Variants in CUL1 observed in about 807,000 individuals in gnomAD.
CUL1 encodes the protein cullin 1.
In CUL1, 24 loss-of-function variants were observed where a neutral mutation model predicts 118.0. That is an observed-to-expected ratio of 0.20 (90% confidence interval 0.15 to 0.29). The LOEUF (loss-of-function observed/expected upper bound fraction) is 0.29. CUL1 is among the 10% of genes least tolerant of loss of function. CUL1 has a pLI of 1.00. For synonymous variants in CUL1, 332 were observed against 340.4 expected (o/e 0.98, Z 0.27); for missense variants, 361 against 933.8 (o/e 0.39, Z 7.99).
intron 16 of CUL1, among the ~76,000 whole-genome samples, chr7:148,791,405 T>C (rs1246303554): frequency 2.0e-5 from 3 of 152,218 alleles, no homozygotes; most frequent in African/African-American, 7.2e-5. Flanking sequence ...TTAAAATGCA[T>C]AGTATTATGC....
At chr7:148,730,723 A>T (rs1444860679) in intron 2 of CUL1, among the ~76,000 whole-genome samples, 2 of 152,212 alleles carry the variant, frequency 1.3e-5, no homozygotes, top group Admixed American at 6.5e-5. Context: ...TGAAGCCTAA[A>T]ATATTTACTA....
intron 1 of CUL1, among the ~76,000 whole-genome samples, chr7:148,717,043 T>TTTTTGTTTTG (rs371522501): frequency 0.2 from 30,872 of 150,672 alleles, 3,926 homozygotes; most frequent in South Asian, 0.32. Context: ...TTGTTTTTCA[T>TTTTTGTTTTG]TTTTGTTTTG....
intron 1 of CUL1, among the ~76,000 whole-genome samples, chr7:148,707,563 G>C (rs780481835): frequency 6.6e-6 from 1 of 151,868 alleles, no homozygotes; most frequent in Non-Finnish European, 1.5e-5. Flanking sequence ...CGTGTGCCAT[G>C]GTGGTTTGCT....
chr7:148,722,852 C>T (rs374039754), intron 1 of CUL1, among the ~76,000 whole-genome samples: 1 of 152,328 alleles, frequency 6.6e-6, no homozygotes, highest in East Asian at 1.9e-4. Context: ...GATTGAGAAC[C>T]CTCTTCCCAG....
intron 1 of CUL1, among the ~76,000 whole-genome samples, chr7:148,722,898 G>A (rs191651425): frequency 7.5e-4 from 115 of 152,342 alleles, no homozygotes; most frequent in Non-Finnish European, 1.2e-3. Context: ...CATGAGCCTG[G>A]TTGGCATCAT....
At chr7:148,786,024 T>C (rs1800803534) in intron 11 of CUL1, among the ~76,000 whole-genome samples, 1 of 152,190 alleles carries the variant, frequency 6.6e-6, no homozygotes, top group Non-Finnish European at 1.5e-5. Flanking sequence ...TACCTTTAAT[T>C]CACCTTTGAA....
chr7:148,759,014 C>CAA (rs1183173447), intron 4 of CUL1, among the ~76,000 whole-genome samples: 2 of 152,196 alleles, frequency 1.3e-5, no homozygotes, highest in African/African-American at 4.8e-5. Flanking sequence ...AGTAACATCA[C>CAA]AGACTCCTAA....
chr7:148,703,054 C>T (rs144734893), intron 1 of CUL1, among the ~76,000 whole-genome samples: 37 of 152,256 alleles, frequency 2.4e-4, no homozygotes, highest in Non-Finnish European at 4.3e-4. Context: ...TAGTCAAGCC[C>T]GAGTTAAACG....
At chr7:148,708,455 G>A (rs966974409) in intron 1 of CUL1, among the ~76,000 whole-genome samples, 6 of 152,142 alleles carry the variant, frequency 3.9e-5, no homozygotes, top group African/African-American at 7.2e-5. Flanking sequence ...CTTTGGCCCC[G>A]CTGTCACCAG....
chr7:148,753,985 T>C lies in CUL1; in HGVS notation c.150T>C (p.Tyr50=). 1 of 1,589,370 alleles carries C rather than the reference T, an allele frequency of 6.3e-7. No homozygotes were observed. Among genetic ancestry groups the C allele is most frequent in the East Asian group, 2.2e-5 (1 of 44,606 alleles). ...SRYMELYTHV[Y]NYCTSVHQSN... is the part of the protein sequence containing the mutation. ...TTAACTTTTCTCCAAGTCATGTTTA[T>C]AACTACTGTACTAGTGTTCACCAGT... The change falls in exon 3 of 22, where the codon TAT becomes TAC. Residue 50 remains tyrosine (Y), a synonymous_variant. Transcript: ENST00000325222.
At position 148,723,322 on chromosome 7, in the gene CUL1, C is replaced by T. The variant is rs146667987; in HGVS notation, c.-161-6640C>T. Among the ~76,000 whole-genome samples, 751 of 152,294 alleles carry T rather than the reference C, an allele frequency of 4.9e-3. 6 individuals are homozygous for T. The highest frequency in any genetic ancestry group is 0.017 in the African/African-American group (719 of 41,554). ...GGTTCCCAGGATCAGGTGGTAAACC[C>T]CAGAGATCAGCTGTGTAGGGCCACC... On this transcript the variant is annotated intron_variant, in intron 1 of 21. Transcript: ENST00000325222.
At chr7:148,722,472 C>A (rs1798426294) in intron 1 of CUL1, among the ~76,000 whole-genome samples, 1 of 152,196 alleles carries the variant, frequency 6.6e-6, no homozygotes, top group African/African-American at 2.4e-5. Context: ...CCCTTAAAGC[C>A]CTCTCCAGAT....
At chr7:148,775,858 A>G (rs1180466802) in intron 9 of CUL1, among the ~76,000 whole-genome samples, 1 of 151,512 alleles carries the variant, frequency 6.6e-6, no homozygotes, top group Non-Finnish European at 1.5e-5. Context: ...ACCACCAGAA[A>G]AAAAAAAAAA....
chr7:148,783,278 C>A, intron 9 of CUL1: 1 of 965,934 alleles, frequency 1.0e-6, no homozygotes, highest in Non-Finnish European at 1.2e-6. Context: ...AGGCCCTGGC[C>A]CCCGGCATCG....
Position 148,759,610 on chromosome 7 carries a change from A to G in CUL1, c.597A>G (p.Arg199=), listed in dbSNP as rs1369601882. The G allele has an allele frequency of 9.3e-6, 15 of 1,610,278 alleles. No individual in the cohort carries two copies. The East Asian group carries it at 3.3e-4, about 36-fold the overall frequency. ...GGAATGGTGAAACCATCAATACAAG[A>G]TTGATTAGTGGAGTTGTACAGTCTT... ...KERNGETINT[R]LISGVVQSYV... is the part of the protein sequence containing the mutation. Residue 199 remains arginine, a synonymous_variant, in exon 6 of 22, where the codon AGA becomes AGG. Transcript: ENST00000325222.
At chr7:148,751,534 CAAAAA>C (rs1166826975) in intron 2 of CUL1, among the ~76,000 whole-genome samples, 1 of 65,674 alleles carries the variant, frequency 1.5e-5, no homozygotes, top group East Asian at 4.6e-4. Flanking sequence ...GACTCTGTCT[CAAAAA>C]AAAAAAAAAA....
rs778474429 is a variant in CUL1, at chr7:148,800,602, C to T, written c.*20C>T. Reference sequence around the variant, plus strand: ...GCTTAACCCTTCTGGAAGGGTCTGACTGTGTGACCCGCAGCAAATAGTTCA... The same window carrying T: ...GCTTAACCCTTCTGGAAGGGTCTGATTGTGTGACCCGCAGCAAATAGTTCA... On this transcript the variant is annotated 3_prime_UTR_variant, in exon 22 of 22. Transcript: ENST00000325222. The surrounding 1 kb of genome is among the most constrained non-coding windows in gnomAD (Gnocchi z 4.6). The T allele has an allele frequency of 1.9e-6, 3 of 1,559,886 alleles. No individual in the cohort carries two copies. Among genetic ancestry groups the T allele is most frequent in the Admixed American group, 1.7e-5 (1 of 59,368 alleles).
chr7:148,758,693 C>T (rs1288830134), intron 4 of CUL1, among the ~76,000 whole-genome samples: 2 of 152,092 alleles, frequency 1.3e-5, no homozygotes, highest in Non-Finnish European at 2.9e-5. Flanking sequence ...GTTTCTATAC[C>T]AAAATTGTTA....
At chr7:148,756,740 G>C (rs533343389) in intron 3 of CUL1, among the ~76,000 whole-genome samples, 1 of 152,194 alleles carries the variant, frequency 6.6e-6, no homozygotes, top group African/African-American at 2.4e-5. Context: ...CTTTTTTTGA[G>C]TGTGTTTGCA....
Sources: allele counts gnomAD v4.1 joint callset (sites outside exome capture counted in the v4.1 genomes callset), GRCh38; gene constraint gnomAD v4.1.1; non-coding constraint Gnocchi (gnomAD v3.1); transcripts MANE v1.5; gene names NCBI Gene and HGNC (gene_info 2026-07-23, HGNC 2026-07-21).